The following ESR1 variants were observed in gnomAD, a reference collection of about 807,000 sequenced individuals.
The protein encoded by ESR1 is estrogen receptor 1.
A neutral mutation model predicts 52.7 loss-of-function variants in ESR1; 12 were observed. The observed-to-expected ratio is 0.23, with a 90% CI of 0.15 to 0.37. ESR1 has a LOEUF of 0.37. Ranked by LOEUF, ESR1 falls within the 10% of genes least tolerant of loss-of-function variation. The pLI, the probability that ESR1 is intolerant of heterozygous loss-of-function variation, is 1.00. For missense variants in ESR1, 584 were observed against 779.7 expected, an observed-to-expected ratio of 0.75 and a Z score of 2.99; for synonymous variants, 305 against 316.8, an observed-to-expected ratio of 0.96 and a Z score of 0.39.
chr6:152,040,393 C>T (rs2045689136), intron 5 of ESR1, among the ~76,000 whole-genome samples: 1 of 152,200 alleles, frequency 6.6e-6, no homozygotes, highest in African/African-American at 2.4e-5. Context: ...CTGCTGAGGT[C>T]ATCTTTTGGT....
At chr6:151,985,533 A>AAAC (rs1190649006) in intron 4 of ESR1, among the ~76,000 whole-genome samples, 1 of 105,438 alleles carries the variant, frequency 9.5e-6, no homozygotes, top group Non-Finnish European at 1.8e-5. Flanking sequence ...AAAAAAAAAA[A>AAAC]CACAAACAAA....
intron 6 of ESR1, among the ~76,000 whole-genome samples, chr6:152,086,913 A>G (rs1354429434): frequency 6.6e-6 from 1 of 152,138 alleles, no homozygotes; most frequent in Admixed American, 6.5e-5. Flanking sequence ...GTGAACAATT[A>G]CACATCAGGA....
Position 152,033,538 on chromosome 6 carries a change from A to T in ESR1, c.1235+21744A>T, listed in dbSNP as rs560534044. 2.6e-3 allele frequency among the ~76,000 whole-genome samples: 397 copies of T among 152,372 alleles called. 2 individuals are homozygous for T. Among genetic ancestry groups the T allele is most frequent in the Non-Finnish European group, 4.6e-3 (311 of 68,038 alleles). On this transcript the variant is annotated intron_variant, in intron 5 of 7. Coordinates refer to ENST00000206249, the MANE Select transcript of ESR1 (RefSeq NM_000125.4). Reference sequence around the variant, plus strand: ...CATTTATGCAGCCAACAGACACATGAAAAAATGCTCATCATCACTGGCCAT... The same window carrying T: ...CATTTATGCAGCCAACAGACACATGTAAAAATGCTCATCATCACTGGCCAT...
intron 3 of ESR1, among the ~76,000 whole-genome samples, chr6:151,889,117 A>T (rs976765171): frequency 3.9e-5 from 6 of 152,150 alleles, no homozygotes; most frequent in Admixed American, 1.3e-4. Flanking sequence ...GGATATTGGC[A>T]TGACATTTAA....
chr6:151,830,848 A>G (rs1359680655), intron 1 of ESR1, among the ~76,000 whole-genome samples: 1 of 152,182 alleles, frequency 6.6e-6, no homozygotes, highest in East Asian at 1.9e-4. Context: ...TAAATTTTGA[A>G]TGGTGAATGC....
intron 1 of ESR1, among the ~76,000 whole-genome samples, chr6:151,677,799 A>G (rs1048763184): frequency 3.3e-5 from 5 of 152,156 alleles, no homozygotes; most frequent in Admixed American, 2.0e-4. Context: ...CCTGGGAAGC[A>G]GAGTTTGCAA....
intron 2 of ESR1, among the ~76,000 whole-genome samples, chr6:151,785,768 A>G (rs1223372142): frequency 6.6e-6 from 1 of 152,208 alleles, no homozygotes; most frequent in Non-Finnish European, 1.5e-5. Flanking sequence ...AGAGGTGATA[A>G]TGGGTAAGCA....
downstream of ESR1, among the ~76,000 whole-genome samples, chr6:152,106,179 T>G (rs2051065122): frequency 6.6e-6 from 1 of 152,232 alleles, no homozygotes; most frequent in Admixed American, 6.5e-5. Flanking sequence ...TTTGCTCCAA[T>G]GCAGCTCCAT....
At chr6:151,685,133 T>C in intron 1 of ESR1, among the ~76,000 whole-genome samples, 1 of 78,098 alleles carries the variant, frequency 1.3e-5, no homozygotes, top group Non-Finnish European at 2.8e-5. Flanking sequence ...TTTTTTTTTT[T>C]TTTTTTTTTT....
chr6:151,730,214 G>A (rs1477992782), intron 2 of ESR1, among the ~76,000 whole-genome samples: 1 of 152,062 alleles, frequency 6.6e-6, no homozygotes, highest in Non-Finnish European at 1.5e-5. Flanking sequence ...TGGCACTGGG[G>A]CTTCTCTCCC....
intron 2 of ESR1, among the ~76,000 whole-genome samples, chr6:151,774,370 C>T (rs143600617): frequency 1.3e-5 from 2 of 152,302 alleles, no homozygotes; most frequent in South Asian, 2.1e-4. Flanking sequence ...TTTGACATTT[C>T]GTTTGAAGTT....
At chr6:151,860,376 A>G (rs1788649434) in intron 2 of ESR1, among the ~76,000 whole-genome samples, 1 of 152,140 alleles carries the variant, frequency 6.6e-6, no homozygotes, top group Non-Finnish European at 1.5e-5. Context: ...TGTTCATGCT[A>G]CATAACTGCA....
chr6:151,736,134 T>C (rs934180007), intron 2 of ESR1, among the ~76,000 whole-genome samples: 2 of 152,194 alleles, frequency 1.3e-5, no homozygotes, highest in African/African-American at 4.8e-5. Context: ...AATAGAAGGC[T>C]CTTTACCTTT....
intron 2 of ESR1, among the ~76,000 whole-genome samples, chr6:151,715,156 A>G (rs1336711817): frequency 6.6e-6 from 1 of 152,196 alleles, no homozygotes; most frequent in Non-Finnish European, 1.5e-5. Context: ...AGAATGTTGA[A>G]TATTGGCCCC....
In ESR1 at chr6:152,099,142, T is replaced by C; in HGVS notation, c.*176T>C. On this transcript the variant is annotated 3_prime_UTR_variant, in exon 8 of 8. Transcript: ENST00000206249. ...TCAGTTCTTAGTGGCACATCTTCTG[T>C]CTTCTGTTGGGAACAGCCAAAGGGA... The C allele has an allele frequency of 3.1e-6, 2 of 644,646 alleles. No individual in the cohort carries two copies. Among genetic ancestry groups the C allele is most frequent in the African/African-American group, 1.8e-5 (1 of 56,024 alleles). 39.9% of individuals were successfully genotyped at this position (644,646 alleles called of 1,614,324 possible).
At chr6:151,937,599 A>C (rs896561432) in intron 3 of ESR1, among the ~76,000 whole-genome samples, 2 of 152,202 alleles carry the variant, frequency 1.3e-5, no homozygotes, top group Non-Finnish European at 2.9e-5. Flanking sequence ...GTGAGTTTGT[A>C]GGTATGAAAG....
At position 152,101,539 on chromosome 6, in the gene ESR1, CA is replaced by C. The variant is rs2050965355; in HGVS notation, c.*2574del. The C allele has an allele frequency of 4.3e-6, 1 of 231,246 alleles. No individual in the cohort carries two copies. Among genetic ancestry groups the C allele is most frequent in the Admixed American group, 5.6e-5 (1 of 17,706 alleles). 14.3% of individuals were successfully genotyped at this position (231,246 alleles called of 1,614,324 possible). ...ACATCAGATGATTGAAATGTTCGCCCAGGGGTCTCCAGCAACTTTGGAAATC... is the reference window on the plus strand; with the variant it reads ...ACATCAGATGATTGAAATGTTCGCCCGGGGTCTCCAGCAACTTTGGAAATC... On this transcript the variant is annotated 3_prime_UTR_variant, in exon 8 of 8. Transcript: ENST00000206249.
chr6:152,033,586 A>G (rs1336050642), intron 5 of ESR1, among the ~76,000 whole-genome samples: 2 of 152,240 alleles, frequency 1.3e-5, no homozygotes, highest in African/African-American at 4.8e-5. Flanking sequence ...AATCAAAACC[A>G]CAATGAGATA....
At chr6:151,705,338 A>G (rs569530519) in intron 2 of ESR1, among the ~76,000 whole-genome samples, 2 of 152,280 alleles carry the variant, frequency 1.3e-5, no homozygotes, top group Admixed American at 6.5e-5. Context: ...TGACCAGTAT[A>G]ATAGCCATGC....
Sources: gnomAD v4.1 joint callset for allele counts (sites outside exome capture counted in the v4.1 genomes callset) on GRCh38, gnomAD v4.1.1 for gene constraint, MANE v1.5 for transcripts, NCBI Gene and HGNC (gene_info 2026-07-23, HGNC 2026-07-21) for gene names.